Variants in GCN1 observed in about 807,000 individuals in gnomAD.
GCN1 encodes stalled ribosome sensor GCN1.
A neutral mutation model predicts 288.4 loss-of-function variants in GCN1; 90 were observed. That is an observed-to-expected ratio of 0.31 (90% CI 0.26 to 0.37). The LOEUF (loss-of-function observed/expected upper bound fraction) is 0.37. GCN1 is among the 10% of genes least tolerant of loss of function. The pLI is 1.00. For missense variants in GCN1, 2,586 were observed against 3,419.9 expected (o/e 0.76, Z 6.08); for synonymous variants, 1,386 against 1,420.2 (o/e 0.98, Z 0.54).
rs759945866 is a variant in GCN1, at chr12:120,145,259, C to T, written c.5016+3G>A. On this transcript the variant is annotated splice_donor_region_variant and intron_variant, in intron 39 of 57. Transcript: ENST00000300648. ...CCCATCCCCCAGCCTACCTCAGACTCACCTCAGGCACAGGGTCCAAAAGCG... is the reference window on the plus strand; with the variant it reads ...CCCATCCCCCAGCCTACCTCAGACTTACCTCAGGCACAGGGTCCAAAAGCG... 8.1e-6 allele frequency: 13 copies of T among 1,595,798 alleles called. No homozygotes were observed. The highest frequency in any genetic ancestry group is 1.7e-5 in the Admixed American group (1 of 57,226).
In GCN1 at chr12:120,162,966, C is replaced by A; in HGVS notation, c.2044G>T (p.Val682Leu). The A allele has an allele frequency of 3.7e-6, 6 of 1,614,206 alleles. No individual in the cohort carries two copies. The highest frequency in any genetic ancestry group is 5.1e-6 in the Non-Finnish European group (6 of 1,180,022). Residue 682 changes from valine (V) to leucine (L), a missense_variant, in exon 20 of 58, where the codon GTG becomes TTG. Val to Leu is a conservative substitution (Grantham distance 32). This residue lies in a region of GCN1 where 913 missense variants were observed against 1,107.0 expected (regional missense o/e 0.82). Transcript: ENST00000300648. Reference sequence around the variant, plus strand: ...AGTGCTGGCCAAAGTCCAGACTGCACGGCAACTGAAGGGGAAGGGAGCTCT... The same window carrying A: ...AGTGCTGGCCAAAGTCCAGACTGCAAGGCAACTGAAGGGGAAGGGAGCTCT... ...IISHHPSLVA[V>L]QSGLWPALLA...
Position 120,142,948 on chromosome 12 carries a change from A to C in GCN1, c.5496-7T>G. The C allele has an allele frequency of 6.4e-7, 1 of 1,554,642 alleles. No homozygotes were observed. Among genetic ancestry groups the C allele is most frequent in the Non-Finnish European group, 8.9e-7 (1 of 1,125,850 alleles). ...GAGCTGAACAGAGCTGAACCTGAGA[A>C]GGAGGCCAACAACACAGTCACACAG... is the stretch of plus-strand genomic sequence containing the variant. On this transcript the variant is annotated splice_polypyrimidine_tract_variant and splice_region_variant and intron_variant, in intron 42 of 57. Transcript: ENST00000300648. This position sits in a 1 kb window ranked among gnomAD's most constrained non-coding sequence, Gnocchi z 4.9.
chr12:120,176,390 C>T (rs1438186883), intron 9 of GCN1, among the ~76,000 whole-genome samples, 173 bp from the exon 10 acceptor site: 2 of 152,152 alleles, frequency 1.3e-5, no homozygotes, highest in African/African-American at 2.4e-5. Context: ...CTCCCCATCC[C>T]GATCAGCAAA....
rs200089590 is a variant in GCN1 at position 120,140,859 on chromosome 12, G to A, written c.5994C>T (p.Ala1998=). The A allele has an allele frequency of 1.1e-5, 17 of 1,612,816 alleles. No homozygotes were observed. Among genetic ancestry groups the A allele is most frequent in the Admixed American group, 5.0e-5 (3 of 59,908 alleles). ...GGCGGGATCCTTGGAAGATACTCACGGCATCCCGGCTGGTGGACTTCATGA... is the reference window on the plus strand; with the variant it reads ...GGCGGGATCCTTGGAAGATACTCACAGCATCCCGGCTGGTGGACTTCATGA... ...SEIMKSTSRD[A]VLYFSESLVP... The change falls in exon 45 of 58, where the codon GCC becomes GCT. Residue 1998 remains alanine, a splice_region_variant and synonymous_variant. Coordinates refer to ENST00000300648, the MANE Select transcript of GCN1 (RefSeq NM_006836.2).
intron 16 of GCN1, 145 bp downstream of exon 16, chr12:120,168,062 TC>T: frequency 1.5e-6 from 1 of 646,570 alleles, no homozygotes; most frequent in Non-Finnish European, 2.8e-6. Context: ...ATGAATTTAT[TC>T]CCACAACAGC....
intron 56 of GCN1, 108 bp from the exon 57 acceptor site, chr12:120,129,602 C>A (rs2240312): frequency 0.45 from 358,632 of 789,178 alleles, 86,066 homozygotes; most frequent in South Asian, 0.6. Flanking sequence ...ACACTGACCC[C>A]CCCTGCTCCT....
Position 120,145,030 on chromosome 12 carries a change from G to A in GCN1, c.5048C>T (p.Ala1683Val). 6.2e-7 allele frequency: 1 copy of A among 1,613,972 alleles called. No individual in the cohort carries two copies. The highest frequency in any genetic ancestry group is 8.5e-7 in the Non-Finnish European group (1 of 1,179,988). Residue 1683 changes from alanine (A) to valine (V), a missense_variant, in exon 40 of 58, where the codon GCC becomes GTC. This residue lies in a region of GCN1 where 371 missense variants were observed against 572.6 expected (regional missense o/e 0.65). Coordinates refer to ENST00000300648, the MANE Select transcript of GCN1 (RefSeq NM_006836.2). ...VRTVSAKALGAMVKGMGESCF... is the reference protein window; with the variant it reads ...VRTVSAKALGVMVKGMGESCF... ...CGACTCCCCCATGCCCTTCACCATGGCCCCAAGGGCCTTTGCAGATACGGT... is the reference window on the plus strand; with the variant it reads ...CGACTCCCCCATGCCCTTCACCATGACCCCAAGGGCCTTTGCAGATACGGT...
chr12:120,169,962 C>G (rs1226075072), intron 15 of GCN1, among the ~76,000 whole-genome samples: 3 of 152,202 alleles, frequency 2.0e-5, no homozygotes, highest in African/African-American at 4.8e-5. Flanking sequence ...ACTGGAGCAA[C>G]AGAATGAAGG....
intron 5 of GCN1, among the ~76,000 whole-genome samples, chr12:120,179,316 C>T (rs1248514925): frequency 6.6e-6 from 1 of 151,932 alleles, no homozygotes; most frequent in African/African-American, 2.4e-5. Flanking sequence ...CTGCAACCTC[C>T]ACCTCCCGGG....
chr12:120,173,946 C>A, intron 13 of GCN1, 120 bp from the exon 14 acceptor site: 1 of 1,049,302 alleles, frequency 9.5e-7, no homozygotes. Context: ...TTTCAGACAG[C>A]TACGAGCCTT....
chr12:120,177,336 T>C (rs763274651), intron 9 of GCN1, 111 bp downstream of exon 9: 40 of 637,358 alleles, frequency 6.3e-5, no homozygotes, highest in Non-Finnish European at 1.1e-4. Flanking sequence ...AAACAATGAA[T>C]ACATCCCCCT....
At chr12:120,170,343 CT>C in intron 14 of GCN1, 22 bp from the exon 15 acceptor site, 1 of 1,612,010 alleles carries the variant, frequency 6.2e-7, no homozygotes, top group Non-Finnish European at 8.5e-7. Context: ...GGACAAGCAC[CT>C]TAAAGGACAT....
intron 14 of GCN1, among the ~76,000 whole-genome samples, chr12:120,171,209 T>C (rs567951899): frequency 6.6e-6 from 1 of 151,316 alleles, no homozygotes; most frequent in East Asian, 2.0e-4. Flanking sequence ...CTCATGCCTA[T>C]AATCCCAACA....
In GCN1 at chr12:120,140,847, G is replaced by C. The variant is rs1385186319; in HGVS notation, c.5994+12C>G. On this transcript the variant is annotated intron_variant, in intron 45 of 57. Transcript: ENST00000300648. ...CAGTGCACAGCTGGCGGGATCCTTG[G>C]AAGATACTCACGGCATCCCGGCTGG... 6.8e-6 allele frequency: 11 copies of C among 1,611,816 alleles called. No homozygotes were observed. Among genetic ancestry groups the C allele is most frequent in the Non-Finnish European group, 9.3e-6 (11 of 1,178,844 alleles).
At chr12:120,180,064 TG>T in intron 5 of GCN1, among the ~76,000 whole-genome samples, 1 of 152,278 alleles carries the variant, frequency 6.6e-6, no homozygotes, top group South Asian at 2.1e-4. Flanking sequence ...CCCAGCACTT[TG>T]GGAGGCCGAG....
chr12:120,145,017 G>A lies in GCN1; in HGVS notation c.5061C>T (p.Gly1687=), dbSNP rs745870493. The change falls in exon 40 of 58, where the codon GGC becomes GGT. Residue 1687 remains glycine, a synonymous_variant. Coordinates refer to ENST00000300648, the MANE Select transcript of GCN1 (RefSeq NM_006836.2). The stretch of plus-strand genomic sequence containing the variant: ...AGTCCTCAAAGCACGACTCCCCCAT[G>A]CCCTTCACCATGGCCCCAAGGGCCT... The part of the protein sequence containing the change: ...SAKALGAMVK[G]MGESCFEDLL... 2.9e-5 allele frequency: 46 copies of A among 1,613,848 alleles called. No individual in the cohort carries two copies. The highest frequency in any genetic ancestry group is 3.3e-5 in the Non-Finnish European group (39 of 1,179,952).
chr12:120,127,500 T>C lies in GCN1; in HGVS notation c.*349A>G. The C allele has an allele frequency of 4.5e-6, 1 of 222,924 alleles. No individual in the cohort carries two copies. The allele number at this position is 222,924 out of a possible 1,614,324, so 13.8% of individuals were successfully genotyped here. A position where few individuals can be genotyped will look rare whatever the true frequency, so the allele number is the denominator to read the frequency against. Reference sequence around the variant, plus strand: ...TAGGAAAAAGGTTGGTAGCGCCAGCTCTCAAACCAGAGCTCAAGCACAGGA... The same window carrying C: ...TAGGAAAAAGGTTGGTAGCGCCAGCCCTCAAACCAGAGCTCAAGCACAGGA... On this transcript the variant is annotated 3_prime_UTR_variant, in exon 58 of 58. Transcript: ENST00000300648.
rs1226563109 is a variant in GCN1, at chr12:120,134,679, G to C, written c.7056C>G (p.Phe2352Leu). ...GGTTGGAGTCCTGCAGGGCTTTGGTGAAAGTGGTCTGCAGCTGGGGCAGGA... is the reference window on the plus strand; with the variant it reads ...GGTTGGAGTCCTGCAGGGCTTTGGTCAAAGTGGTCTGCAGCTGGGGCAGGA... ...KPFLPQLQTTFTKALQDSNRG... is the reference protein window; with the variant it reads ...KPFLPQLQTTLTKALQDSNRG... The change falls in exon 52 of 58, where the codon TTC becomes TTG. Residue 2352 changes from phenylalanine to leucine, a missense_variant. Around this residue, in one of 8 missense-constraint regions of GCN1, gnomAD observed 355 missense variants for 431.1 expected, o/e 0.82. Transcript: ENST00000300648. The surrounding 1 kb of genome is among the most constrained non-coding windows in gnomAD (Gnocchi z 5.0). 3 of 1,613,424 alleles carry C rather than the reference G, an allele frequency of 1.9e-6. No individual in the cohort carries two copies. The highest frequency in any genetic ancestry group is 1.7e-6 in the Non-Finnish European group (2 of 1,180,032).
rs1324881755 is a variant in GCN1, at chr12:120,129,337, G to T, written c.7829C>A (p.Ala2610Asp). ...GTTGACAATTGCCTGGTCGCTGTAG[G>T]CCCTGACCACGGTGTTCTTATCCTT... ...NTKDKNTVVRAYSDQAIVNLL... is the reference protein window; with the variant it reads ...NTKDKNTVVRDYSDQAIVNLL... Residue 2610 changes from alanine (A) to aspartate (D), a missense_variant, in exon 57 of 58, where the codon GCC becomes GAC. This residue lies in a region of GCN1 where 355 missense variants were observed against 431.1 expected (regional missense o/e 0.82). Transcript: ENST00000300648. 1 of 1,614,120 alleles carries T rather than the reference G, an allele frequency of 6.2e-7. No individual in the cohort carries two copies. Among genetic ancestry groups the T allele is most frequent in the African/African-American group, 1.3e-5 (1 of 75,014 alleles).
Sources: allele counts gnomAD v4.1 joint callset (sites outside exome capture counted in the v4.1 genomes callset), GRCh38; gene constraint gnomAD v4.1.1; regional missense constraint gnomAD v4.1.1; non-coding constraint Gnocchi (gnomAD v3.1); transcripts MANE v1.5; gene names NCBI Gene and HGNC (gene_info 2026-07-23, HGNC 2026-07-21).